NOL4: variants seen among roughly 807,000 people sequenced by gnomAD.
NOL4 encodes cancer/testis antigen 125.
A neutral mutation model predicts 75.9 loss-of-function variants in NOL4; 17 were observed. That is an observed-to-expected ratio of 0.22 (90% CI 0.15 to 0.34). The LOEUF (loss-of-function observed/expected upper bound fraction) is 0.34, where lower values mean the gene tolerates loss of function less well. Ranked by LOEUF, NOL4 falls within the 10% of genes least tolerant of loss-of-function variation. The probability of loss-of-function intolerance (pLI) is 1.00; values close to 1 mark genes in which losing one functional copy is unlikely to be tolerated. For missense variants in NOL4, 614 were observed against 793.5 expected, an observed-to-expected ratio of 0.77 and a Z score of 2.72; for synonymous variants, 292 against 289.9, an observed-to-expected ratio of 1.01 and a Z score of -0.07.
intron 5 of NOL4, among the ~76,000 whole-genome samples, chr18:34,088,737 A>G (rs759011002): frequency 3.3e-5 from 5 of 152,096 alleles, no homozygotes; most frequent in Non-Finnish European, 5.9e-5. Context: ...AAATAGCTCA[A>G]CTTAGTTTCC....
At chr18:34,152,609 G>A (rs1325739063) in intron 1 of NOL4, among the ~76,000 whole-genome samples, 2 of 151,854 alleles carry the variant, frequency 1.3e-5, no homozygotes, top group East Asian at 1.9e-4. Context: ...CCAGAAAGAT[G>A]AGACAGATCA....
chr18:33,942,496 A>C (rs1207852217), intron 9 of NOL4, among the ~76,000 whole-genome samples: 1 of 151,912 alleles, frequency 6.6e-6, no homozygotes, highest in African/African-American at 2.4e-5. Flanking sequence ...CCTTAGAAAA[A>C]AGATATTGAA....
At chr18:34,081,679 T>C (rs940252049) in intron 5 of NOL4, among the ~76,000 whole-genome samples, 2 of 152,186 alleles carry the variant, frequency 1.3e-5, no homozygotes, top group African/African-American at 4.8e-5. Flanking sequence ...TTGGTCTTAT[T>C]ATTTAGAATA....
chr18:34,079,207 G>A lies in NOL4; in HGVS notation c.772+14258C>T, dbSNP rs182580485. The stretch of plus-strand genomic sequence containing the variant: ...TTGGAAGTGTGGGTTGGCAGAAAAA[G>A]GAGGCAAGTGTATTCTCCCCTAATT... On this transcript the variant is annotated intron_variant, in intron 5 of 10. Coordinates refer to ENST00000261592, the MANE Select transcript of NOL4 (RefSeq NM_003787.5). 1.2e-3 allele frequency among the ~76,000 whole-genome samples: 186 copies of A among 152,200 alleles called. 1 individual carries two copies. The highest frequency in any genetic ancestry group is 4.3e-3 in the African/African-American group (178 of 41,532).
intron 9 of NOL4, among the ~76,000 whole-genome samples, chr18:33,894,344 C>T (rs1298083830): frequency 1.3e-5 from 2 of 152,066 alleles, no homozygotes; most frequent in South Asian, 2.1e-4. Context: ...GATACAGATA[C>T]GCATACCCTC....
At chr18:33,962,147 C>A (rs2070191445) in intron 6 of NOL4, among the ~76,000 whole-genome samples, 1 of 152,126 alleles carries the variant, frequency 6.6e-6, no homozygotes, top group Non-Finnish European at 1.5e-5. Flanking sequence ...GTCGTGATAG[C>A]ATCATTTGTG....
intron 1 of NOL4, among the ~76,000 whole-genome samples, chr18:34,181,597 G>T (rs931496704): frequency 6.6e-6 from 1 of 151,396 alleles, no homozygotes; most frequent in Admixed American, 6.6e-5. Flanking sequence ...AAAAACTTTT[G>T]CATATAAATA....
intron 6 of NOL4, among the ~76,000 whole-genome samples, chr18:33,992,820 T>C (rs978574611): frequency 3.3e-5 from 5 of 152,018 alleles, no homozygotes; most frequent in African/African-American, 9.7e-5. Context: ...GAGGTGTCAG[T>C]TGGAGAGAAG....
At chr18:34,189,418 T>G (rs2034742123) in intron 1 of NOL4, among the ~76,000 whole-genome samples, 1 of 152,102 alleles carries the variant, frequency 6.6e-6, no homozygotes, top group Admixed American at 6.6e-5. Context: ...GGGACCAAAT[T>G]TCCAACACAT....
chr18:34,188,680 A>C (rs933271978), intron 1 of NOL4, among the ~76,000 whole-genome samples: 5 of 152,240 alleles, frequency 3.3e-5, no homozygotes, highest in Admixed American at 1.3e-4. Flanking sequence ...CAAAGAGTGT[A>C]TTATATCACG....
intron 4 of NOL4, among the ~76,000 whole-genome samples, chr18:34,101,832 T>C (rs905591801): frequency 1.7e-4 from 26 of 152,138 alleles, no homozygotes; most frequent in African/African-American, 6.3e-4. Context: ...ATCACATGAC[T>C]TCTCTGCTCA....
At chr18:34,146,868 A>T (rs1472256859) in intron 1 of NOL4, among the ~76,000 whole-genome samples, 2 of 151,898 alleles carry the variant, frequency 1.3e-5, no homozygotes, top group Admixed American at 1.3e-4. Context: ...ATGTTTTTCC[A>T]TTTGTTTGTG....
At chr18:34,010,816 A>AT (rs1857558081) in intron 6 of NOL4, among the ~76,000 whole-genome samples, 2 of 151,830 alleles carry the variant, frequency 1.3e-5, no homozygotes, top group Admixed American at 6.6e-5. Flanking sequence ...GAGGTTGAGC[A>AT]TTTTTTCATA....
At chr18:34,102,955 A>T (rs143383744) in intron 4 of NOL4, among the ~76,000 whole-genome samples, 1,612 of 152,098 alleles carry the variant, frequency 0.011, 12 homozygotes, top group Non-Finnish European at 0.017. Context: ...ACTAATATGA[A>T]TTTTTGTATG....
intron 5 of NOL4, among the ~76,000 whole-genome samples, chr18:34,024,194 A>ATATATATATATAT (rs1555696186): frequency 9.9e-5 from 7 of 70,694 alleles, no homozygotes; most frequent in Admixed American, 6.7e-4. Flanking sequence ...AAAAAAAAAA[A>ATATATATATATAT]ATATATATAT....
In NOL4 at chr18:34,179,083, C is replaced by A. The variant is rs567668161; in HGVS notation, c.264+43907G>T. Among the ~76,000 whole-genome samples, 3 of 151,434 alleles carry A rather than the reference C, an allele frequency of 2.0e-5. No individual in the cohort carries two copies. In the East Asian group the frequency reaches 5.8e-4, roughly 29 times the overall value. ...ATGTGGAAATTAAACAACGTGCTCT[C>A]AAAACTAATGAGTCAAAGAAGAAGT... On this transcript the variant is annotated intron_variant, in intron 1 of 10. Coordinates refer to ENST00000261592, the MANE Select transcript of NOL4 (RefSeq NM_003787.5).
At chr18:34,100,255 C>A (rs967291473) in intron 4 of NOL4, among the ~76,000 whole-genome samples, 15 of 152,100 alleles carry the variant, frequency 9.9e-5, no homozygotes, top group African/African-American at 3.6e-4. Context: ...TCATTATTTT[C>A]CTCTGCTACA....
At chr18:34,083,411 AG>A (rs1405646187) in intron 5 of NOL4, among the ~76,000 whole-genome samples, 1 of 152,132 alleles carries the variant, frequency 6.6e-6, no homozygotes, top group Admixed American at 6.6e-5. Flanking sequence ...GCCAGCTGGG[AG>A]AAAAATGGGG....
chr18:33,912,771 T>G (rs2066485684), intron 9 of NOL4, among the ~76,000 whole-genome samples: 1 of 152,104 alleles, frequency 6.6e-6, no homozygotes, highest in South Asian at 2.1e-4. Flanking sequence ...TGACCTAAGA[T>G]GACATTATAA....
Sources: allele counts gnomAD v4.1 joint callset (sites outside exome capture counted in the v4.1 genomes callset), GRCh38; gene constraint gnomAD v4.1.1; transcripts MANE v1.5; gene names NCBI Gene and HGNC (gene_info 2026-07-23, HGNC 2026-07-21).